FAM149B1: variants seen among roughly 807,000 people sequenced by gnomAD.
FAM149B1 encodes the protein primary cilium assembly protein FAM149B1.
Under a neutral mutation model 75.3 loss-of-function variants are expected in FAM149B1, and 56 were observed. That is an observed-to-expected ratio of 0.74 (90% confidence interval 0.60 to 0.93). The LOEUF (loss-of-function observed/expected upper bound fraction) is 0.93. Ranked by LOEUF, FAM149B1 falls within the 40% of genes least tolerant of loss-of-function variation. FAM149B1 has a pLI of 0.00. For synonymous variants in FAM149B1, 259 were observed against 256.1 expected (o/e 1.01, Z -0.11); for missense variants, 639 against 708.4 (o/e 0.90, Z 1.11).
rs1413347506 is a variant in FAM149B1 at position 73,242,495 on chromosome 10, T to A, written c.*1476T>A. ...TGTTTTCCCTCAAAGCCAGTGCAATTTTTTTTTAACCAAAAAACTGGACAT... is the reference window on the plus strand; with the variant it reads ...TGTTTTCCCTCAAAGCCAGTGCAATATTTTTTTAACCAAAAAACTGGACAT... On this transcript the variant is annotated 3_prime_UTR_variant, in exon 14 of 14. Coordinates refer to ENST00000242505, the MANE Select transcript of FAM149B1 (RefSeq NM_173348.2). 1 of 151,996 alleles carries A rather than the reference T, an allele frequency of 6.6e-6. No homozygotes were observed. The highest frequency in any genetic ancestry group is 1.5e-5 in the Non-Finnish European group (1 of 67,988). 9.4% of individuals were successfully genotyped at this position (151,996 alleles called of 1,614,324 possible). A position where few individuals can be genotyped will look rare whatever the true frequency, so the allele number is the denominator to read the frequency against.
chr10:73,217,473 T>C lies in FAM149B1; in HGVS notation c.898+7035T>C, dbSNP rs117880967. ...TCCAGGAACAGCTTAGCTAGTTCTC[T>C]GTTTAGGGTTTCACCTGGCTGCGTT... is the stretch of plus-strand genomic sequence containing the variant. On this transcript the variant is annotated intron_variant, in intron 7 of 13. Coordinates refer to ENST00000242505, the MANE Select transcript of FAM149B1 (RefSeq NM_173348.2). Among the ~76,000 whole-genome samples the C allele has an allele frequency of 8.1e-4, 124 of 152,328 alleles. 3 individuals are homozygous for C. The East Asian group carries it at 0.02, about 24-fold the overall frequency.
At chr10:73,226,022 T>C (rs2043534330) in intron 7 of FAM149B1, among the ~76,000 whole-genome samples, 1 of 152,078 alleles carries the variant, frequency 6.6e-6, no homozygotes, top group Non-Finnish European at 1.5e-5. Context: ...CACCTAATAA[T>C]GCCATTCTCA....
chr10:73,200,437 A>T, intron 5 of FAM149B1: 1 of 613,058 alleles, frequency 1.6e-6, no homozygotes, highest in Middle Eastern at 3.5e-4. Flanking sequence ...CAAATGTTCA[A>T]AATGAATGCA....
At chr10:73,187,440 G>A (rs2042555851) in intron 3 of FAM149B1, among the ~76,000 whole-genome samples, 1 of 150,556 alleles carries the variant, frequency 6.6e-6, no homozygotes, top group South Asian at 2.1e-4. Context: ...GAAAATTAGA[G>A]GACATATGGC....
chr10:73,182,444 T>A (rs1167125697), intron 3 of FAM149B1, among the ~76,000 whole-genome samples: 1 of 152,158 alleles, frequency 6.6e-6, no homozygotes, highest in Admixed American at 6.5e-5. Context: ...ACTCCTGACC[T>A]CAAGTGATCT....
rs2043122089 is a variant in FAM149B1, at chr10:73,208,726, ACT to A, written c.653_654del (p.Ser218TyrfsTer9). On this transcript the variant is annotated frameshift_variant, in exon 6 of 14. Transcript: ENST00000242505. LOFTEE classifies it high-confidence loss of function. ...TGTTCTATGGAAAGAGATGAGGAAG[ACT>A]CTATAATCGTCTCAGAAGGAATAAT... The A allele has an allele frequency of 3.2e-6, 5 of 1,546,794 alleles. No individual in the cohort carries two copies. The East Asian group carries it at 7.4e-5, about 23-fold the overall frequency.
chr10:73,199,515 C>G (rs1418820961), intron 5 of FAM149B1, among the ~76,000 whole-genome samples: 1 of 152,060 alleles, frequency 6.6e-6, no homozygotes, highest in Non-Finnish European at 1.5e-5. Flanking sequence ...CTGTGCCTGG[C>G]CAATAACTGT....
intron 1 of FAM149B1, among the ~76,000 whole-genome samples, chr10:73,169,623 A>C (rs1269434705): frequency 6.6e-6 from 1 of 151,980 alleles, no homozygotes; most frequent in Non-Finnish European, 1.5e-5. Flanking sequence ...CAACTGGCTA[A>C]TTAAAAAAAA....
chr10:73,225,309 T>G (rs1217598716), intron 7 of FAM149B1, among the ~76,000 whole-genome samples: 3 of 152,200 alleles, frequency 2.0e-5, no homozygotes, highest in Admixed American at 2.0e-4. Context: ...TCCATGTGTG[T>G]TACACAACCT....
At chr10:73,215,552 T>C (rs1051642317) in intron 7 of FAM149B1, among the ~76,000 whole-genome samples, 2 of 152,196 alleles carry the variant, frequency 1.3e-5, no homozygotes, top group Admixed American at 1.3e-4. Context: ...TAAGCATTTA[T>C]TGCTATAACT....
chr10:73,230,163 G>A, intron 8 of FAM149B1: 2 of 346,338 alleles, frequency 5.8e-6, no homozygotes, highest in South Asian at 4.3e-5. Context: ...CCTGTAAGAG[G>A]GCTGTTAATT....
intron 6 of FAM149B1, among the ~76,000 whole-genome samples, chr10:73,209,723 T>C (rs2043146355): frequency 6.6e-6 from 1 of 152,374 alleles, no homozygotes. Context: ...GCTACCTTTC[T>C]GTGACATTAA....
rs1395961006 is a variant in FAM149B1, at chr10:73,174,707, C to T, written c.68C>T (p.Ala23Val). The T allele has an allele frequency of 1.3e-6, 2 of 1,550,588 alleles. No homozygotes were observed. Among genetic ancestry groups the T allele is most frequent in the Admixed American group, 2.0e-5 (1 of 50,962 alleles). Reference protein sequence around the residue: ...SLELKGITKHALNHHPPPEKL... With the variant: ...SLELKGITKHVLNHHPPPEKL... ...CACAGGAAAGGAATAACAAAACATG[C>T]TCTTAACCATCATCCCCCTCCAGAG... is the stretch of plus-strand genomic sequence containing the variant. Residue 23 changes from alanine (A) to valine (V), a missense_variant, in exon 2 of 14, where the codon GCT becomes GTT. Transcript: ENST00000242505.
chr10:73,171,595 T>C (rs1274645494), intron 1 of FAM149B1, among the ~76,000 whole-genome samples: 1 of 151,892 alleles, frequency 6.6e-6, no homozygotes, highest in African/African-American at 2.4e-5. Context: ...AAAGTTAATA[T>C]ATTTGCTTCA....
At chr10:73,240,917 TAC>T in intron 13 of FAM149B1, 27 bp from the exon 14 acceptor site, 1 of 1,324,530 alleles carries the variant, frequency 7.5e-7, no homozygotes, top group Non-Finnish European at 1.1e-6. Flanking sequence ...CTAGACTGTC[TAC>T]TAATGTTACT....
At chr10:73,175,781 G>T (rs1210787788) in intron 2 of FAM149B1, among the ~76,000 whole-genome samples, 1 of 151,750 alleles carries the variant, frequency 6.6e-6, no homozygotes. Context: ...AAAGAACATG[G>T]ACTCAGGAGG....
At chr10:73,213,794 A>T (rs1300930091) in intron 7 of FAM149B1, among the ~76,000 whole-genome samples, 1 of 151,958 alleles carries the variant, frequency 6.6e-6, no homozygotes, top group African/African-American at 2.4e-5. Flanking sequence ...GGATTATTTT[A>T]GCTATTTGAG....
chr10:73,240,448 C>G (rs550738659), intron 13 of FAM149B1, among the ~76,000 whole-genome samples: 4 of 152,184 alleles, frequency 2.6e-5, no homozygotes, highest in Non-Finnish European at 5.9e-5. Flanking sequence ...CGTGGTGGCT[C>G]ATGCCTGTAA....
intron 2 of FAM149B1, 77 bp downstream of exon 2, chr10:73,174,868 T>A: frequency 1.1e-6 from 1 of 937,750 alleles, no homozygotes; most frequent in Non-Finnish European, 1.7e-6. Flanking sequence ...TTAAGATTGG[T>A]GTCAAGCCTT....
Sources: gnomAD v4.1 joint callset for allele counts (sites outside exome capture counted in the v4.1 genomes callset) on GRCh38, gnomAD v4.1.1 for gene constraint, MANE v1.5 for transcripts, NCBI Gene and HGNC (gene_info 2026-07-23, HGNC 2026-07-21) for gene names.